The following SOD2 variants were observed in gnomAD, a reference collection of about 807,000 sequenced individuals.
SOD2 encodes the protein superoxide dismutase [Mn], mitochondrial.
SOD2 carries 11 observed loss-of-function variants against 27.0 expected under a neutral mutation model. The observed-to-expected ratio is 0.41, with a 90% confidence interval of 0.26 to 0.67. The LOEUF (loss-of-function observed/expected upper bound fraction) is 0.67, where lower values mean the gene tolerates loss of function less well. Ranked by LOEUF, SOD2 falls within the 30% of genes least tolerant of loss-of-function variation. The pLI is 0.34. For missense variants in SOD2, 250 were observed against 274.5 expected (o/e 0.91, Z 0.63); for synonymous variants, 105 against 103.0 (o/e 1.02, Z -0.12).
chr6:159,727,463 G>A (rs987990774), upstream of SOD2: 40 of 1,000,000 alleles, frequency 4.0e-5, no homozygotes, highest in African/African-American at 5.7e-4. Context: ...GGGCGGAGCG[G>A]AGCCGTGCGG....
chr6:159,688,238 ATC>A lies in SOD2; in HGVS notation c.229_230del (p.Asp77CysfsTer22). On this transcript the variant is annotated frameshift_variant and splice_region_variant, in exon 3 of 5. Transcript: ENST00000538183. LOFTEE classifies it high-confidence loss of function. ...EKYQEALAKG[D>X]VTAQIALQPA... ...GCTGAAGAGCTATCTGGGCTGTAAC[ATC>A]TCCTGAAAAGTTAAAATGCAAACAC... 1 of 1,593,842 alleles carries A rather than the reference ATC, an allele frequency of 6.3e-7. No individual in the cohort carries two copies. The highest frequency in any genetic ancestry group is 8.6e-7 in the Non-Finnish European group (1 of 1,161,650).
chr6:159,745,827 T>C (rs373429267), upstream of SOD2, among the ~76,000 whole-genome samples: 69 of 152,300 alleles, frequency 4.5e-4, no homozygotes, highest in African/African-American at 1.2e-3. Context: ...ATGAAATACA[T>C]GAAGCCACTG....
chr6:159,670,797 C>A lies in SOD2; in HGVS notation c.*11696G>T. 6.6e-6 allele frequency: 1 copy of A among 152,580 alleles called. No individual in the cohort carries two copies. Among genetic ancestry groups the A allele is most frequent in the African/African-American group, 2.4e-5 (1 of 41,580 alleles). 9.5% of individuals were successfully genotyped at this position (152,580 alleles called of 1,614,324 possible). ...TGAGCTGAAGCAGGGCAAGGCATGG[C>A]CTCACCCGGGAAGGCAAGGGGTCAG... On this transcript the variant is annotated 3_prime_UTR_variant, in exon 5 of 5. Transcript: ENST00000538183.
intron 1 of SOD2, among the ~76,000 whole-genome samples, chr6:159,709,147 C>T (rs1311029267): frequency 2.0e-5 from 3 of 151,938 alleles, no homozygotes; most frequent in Admixed American, 1.3e-4. Flanking sequence ...ATGTTAGACC[C>T]AAAACCATAA....
At chr6:159,736,352 T>C (rs927888393) in intron 1 of SOD2, 3 of 1,352,326 alleles carry the variant, frequency 2.2e-6, no homozygotes, top group South Asian at 1.3e-5. Flanking sequence ...GGGGGCTTTT[T>C]TAAGCACTTT....
Position 159,676,440 on chromosome 6 carries a change from C to G in SOD2, c.*6053G>C, listed in dbSNP as rs563799578. 8 of 152,230 alleles carry G rather than the reference C, an allele frequency of 5.3e-5. No homozygotes were observed. In the East Asian group the frequency reaches 1.4e-3, roughly 26 times the overall value. 9.4% of individuals were successfully genotyped at this position (152,230 alleles called of 1,614,324 possible). A position where few individuals can be genotyped will look rare whatever the true frequency, so the allele number is the denominator to read the frequency against. The stretch of plus-strand genomic sequence containing the variant: ...CCATAAAAAAGGAAGAGTTCATGTC[C>G]TTTATAGGGACATGGATGAAGCTGG... On this transcript the variant is annotated 3_prime_UTR_variant, in exon 5 of 5. Coordinates refer to ENST00000538183, the MANE Select transcript of SOD2 (RefSeq NM_000636.4).
intron 1 of SOD2, among the ~76,000 whole-genome samples, chr6:159,705,767 T>C (rs552340475): frequency 8.5e-5 from 13 of 152,210 alleles, no homozygotes; most frequent in Non-Finnish European, 1.6e-4. Flanking sequence ...ATACAGAGAA[T>C]GCCACAAAGA....
At chr6:159,703,298 G>A (rs927750446) in intron 1 of SOD2, among the ~76,000 whole-genome samples, 1 of 152,178 alleles carries the variant, frequency 6.6e-6, no homozygotes, top group Non-Finnish European at 1.5e-5. Flanking sequence ...TGGGCGACAA[G>A]AGTGAAGGGC....
intron 1 of SOD2, chr6:159,726,979 A>C (rs1419402136): frequency 7.8e-7 from 1 of 1,280,876 alleles, no homozygotes; most frequent in African/African-American, 1.5e-5. Flanking sequence ...GCGGCCAATC[A>C]CGCGCCGCCT....
rs939426831 is a variant in SOD2, at chr6:159,674,312, A to G, written c.*8181T>C. On this transcript the variant is annotated 3_prime_UTR_variant, in exon 5 of 5. Coordinates refer to ENST00000538183, the MANE Select transcript of SOD2 (RefSeq NM_000636.4). ...TAACAAAAAAAGAGAACTTTAGACC[A>G]ATATCCCTGATGAAAATCAATGCAA... 7 of 152,238 alleles carry G rather than the reference A, an allele frequency of 4.6e-5. No individual in the cohort carries two copies. The highest frequency in any genetic ancestry group is 1.7e-4 in the African/African-American group (7 of 41,462). The allele number at this position is 152,238 out of a possible 1,614,324, so 9.4% of individuals were successfully genotyped here. A position where few individuals can be genotyped will look rare whatever the true frequency, so the allele number is the denominator to read the frequency against.
intron 1 of SOD2, 34 bp downstream of exon 1, chr6:159,693,111 C>A: frequency 6.5e-7 from 1 of 1,526,930 alleles, no homozygotes; most frequent in Non-Finnish European, 8.8e-7. Flanking sequence ...CCCCTTCGCC[C>A]TTGGGGCCGT....
chr6:159,722,661 T>C (rs1778064176), intron 1 of SOD2, among the ~76,000 whole-genome samples: 1 of 152,172 alleles, frequency 6.6e-6, no homozygotes, highest in Admixed American at 6.5e-5. Flanking sequence ...AAATTTATTT[T>C]TGAGAGACTG....
chr6:159,713,356 C>T, intron 1 of SOD2: 1 of 653,716 alleles, frequency 1.5e-6, no homozygotes, highest in Non-Finnish European at 2.8e-6. Context: ...TCAGCCAGCC[C>T]CTGGCCTATC....
intron 1 of SOD2, among the ~76,000 whole-genome samples, chr6:159,712,084 ATAACCACCTCCATAACCACCACTCAG>A (rs1777801448): frequency 1.1e-4 from 4 of 35,086 alleles, no homozygotes; most frequent in East Asian, 6.1e-4. Context: ...TCAGACCTCC[ATAACCACCTCCATAACCACCACTCAG>A]CTGCTCAGAC....
chr6:159,686,818 G>A (rs375715242), intron 3 of SOD2, among the ~76,000 whole-genome samples: 67 of 152,210 alleles, frequency 4.4e-4, no homozygotes, highest in African/African-American at 1.2e-3. Context: ...CAGAAACTTA[G>A]GGTGCATATC....
At chr6:159,687,727 GGC>G (rs1457449070) in intron 3 of SOD2, among the ~76,000 whole-genome samples, 2 of 152,036 alleles carry the variant, frequency 1.3e-5, no homozygotes, top group Non-Finnish European at 2.9e-5. Context: ...AGGTAACTTA[GGC>G]CAGGCACGGT....
chr6:159,686,464 T>C (rs988474975), intron 3 of SOD2, among the ~76,000 whole-genome samples: 2 of 152,122 alleles, frequency 1.3e-5, no homozygotes, highest in South Asian at 4.2e-4. Context: ...CTGACCAACA[T>C]GGAGAAACTC....
At chr6:159,712,667 C>G (rs202190702) in intron 1 of SOD2, 4 of 323,954 alleles carry the variant, frequency 1.2e-5, no homozygotes, top group African/African-American at 2.3e-5. Flanking sequence ...TCTGATCACC[C>G]TAACCACCTC....
At chr6:159,693,724 G>T (rs1378336382), upstream of SOD2, among the ~76,000 whole-genome samples, 1 of 152,230 alleles carries the variant, frequency 6.6e-6, no homozygotes, top group Non-Finnish European at 1.5e-5. Flanking sequence ...CCCCGTGGCC[G>T]TTCCTAGGGA....
Sources: allele counts gnomAD v4.1 joint callset (sites outside exome capture counted in the v4.1 genomes callset), GRCh38; gene constraint gnomAD v4.1.1; transcripts MANE v1.5; gene names NCBI Gene and HGNC (gene_info 2026-07-23, HGNC 2026-07-21).